Variants in ATG3 observed in about 807,000 individuals in gnomAD.
The protein encoded by ATG3 is autophagy related 3.
A neutral mutation model predicts 50.7 loss-of-function variants in ATG3; 25 were observed. That is an observed-to-expected ratio of 0.49 (90% CI 0.36 to 0.69). ATG3 has a LOEUF of 0.69. ATG3 is among the 30% of genes least tolerant of loss of function. ATG3 has a pLI of 0.00. For synonymous variants in ATG3, 119 were observed against 125.5 expected (o/e 0.95, Z 0.34); for missense variants, 281 against 376.0 (o/e 0.75, Z 2.09).
chr3:112,532,806 A>G, intron 11 of ATG3, 26 bp from the exon 12 acceptor site: 2 of 1,560,638 alleles, frequency 1.3e-6, no homozygotes, highest in South Asian at 1.2e-5. Flanking sequence ...TAAGGAAAAT[A>G]AGATTTGTAA....
At chr3:112,544,663 A>AAAAAAAAAAAAAT (rs1417041247) in intron 5 of ATG3, among the ~76,000 whole-genome samples, 1 of 150,388 alleles carries the variant, frequency 6.6e-6, no homozygotes, top group African/African-American at 2.4e-5. Context: ...TCAGGGAAAA[A>AAAAAAAAAAAAAT]AAAAAAAGGA....
intron 4 of ATG3, 75 bp downstream of exon 4, chr3:112,550,117 C>A: frequency 9.2e-7 from 1 of 1,089,294 alleles, no homozygotes; most frequent in South Asian, 1.5e-5. Flanking sequence ...AATTTTCAAG[C>A]AATAGAAAAA....
intron 2 of ATG3, among the ~76,000 whole-genome samples, chr3:112,554,960 C>A (rs1933625251): frequency 6.6e-6 from 1 of 152,200 alleles, no homozygotes; most frequent in Admixed American, 6.5e-5. Flanking sequence ...ACAATAGTCT[C>A]TTCCCCAAAT....
intron 11 of ATG3, chr3:112,533,759 G>A (rs1028764812): frequency 2.0e-6 from 2 of 985,208 alleles, no homozygotes; most frequent in East Asian, 1.1e-4. Context: ...CAAGAAAACT[G>A]AGTAGGAAAA....
intron 10 of ATG3, chr3:112,535,424 C>T (rs930912771): frequency 6.6e-6 from 1 of 152,064 alleles, no homozygotes; most frequent in African/African-American, 2.4e-5. Flanking sequence ...TTATTTTTCC[C>T]CCAACTGAGT....
At chr3:112,537,940 G>A (rs565599759) in intron 8 of ATG3, 50 bp from the exon 9 acceptor site, 2 of 1,494,646 alleles carry the variant, frequency 1.3e-6, no homozygotes, top group Middle Eastern at 1.9e-4. Context: ...CGGTATGAAT[G>A]TGACATTCTA....
intron 2 of ATG3, 144 bp from the exon 3 acceptor site, chr3:112,553,473 G>A: frequency 1.7e-6 from 1 of 605,026 alleles, no homozygotes; most frequent in East Asian, 2.7e-5. Flanking sequence ...CAGCAACAAA[G>A]CTGCTCTACC....
intron 11 of ATG3, chr3:112,533,866 T>G (rs2082573208): frequency 1.0e-6 from 1 of 998,864 alleles, no homozygotes; most frequent in South Asian, 4.6e-5. Context: ...ACATTACTTT[T>G]AATTAACGTA....
chr3:112,534,413 A>G (rs1301701038), intron 10 of ATG3, 76 bp from the exon 11 acceptor site: 2 of 1,250,734 alleles, frequency 1.6e-6, no homozygotes, highest in East Asian at 2.5e-5. Flanking sequence ...TTTCATTTGT[A>G]AAGAAATCGA....
intron 2 of ATG3, among the ~76,000 whole-genome samples, chr3:112,556,610 G>C (rs182732505): frequency 8.3e-4 from 127 of 152,368 alleles, no homozygotes; most frequent in African/African-American, 2.8e-3. Context: ...AAAAGATTGA[G>C]AAATCGGATG....
intron 6 of ATG3, among the ~76,000 whole-genome samples, chr3:112,542,379 C>A (rs879341605): frequency 1.3e-5 from 2 of 152,066 alleles, no homozygotes; most frequent in Non-Finnish European, 2.9e-5. Context: ...CACAAGATAT[C>A]AGTTCAATTT....
chr3:112,561,845 C>G lies in ATG3; in HGVS notation c.-317G>C, dbSNP rs1933903036. On this transcript the variant is annotated 5_prime_UTR_variant, in exon 1 of 12. Transcript: ENST00000283290. ...GAGGTGAGAAGCGGACGCACACGCACCCCTCGCCCTCTGCGAGCTGTCTGT... is the reference window on the plus strand; with the variant it reads ...GAGGTGAGAAGCGGACGCACACGCAGCCCTCGCCCTCTGCGAGCTGTCTGT... The G allele has an allele frequency of 2.7e-6, 1 of 366,454 alleles. No homozygotes were observed. Among genetic ancestry groups the G allele is most frequent in the African/African-American group, 2.2e-5 (1 of 45,418 alleles). 22.7% of individuals were successfully genotyped at this position (366,454 alleles called of 1,614,324 possible).
At position 112,536,589 on chromosome 3, in the gene ATG3, A is replaced by T; in HGVS notation, c.680T>A (p.Leu227Ter). The change falls in exon 10 of 12, where the codon TTA (leucine) becomes TAA (stop). Residue 227 changes from leucine (L) to a stop codon, truncating the protein, a stop_gained. Coordinates refer to ENST00000283290, the MANE Select transcript of ATG3 (RefSeq NM_022488.5). LOFTEE classifies it high-confidence loss of function. ...LFGYDEQRQPLTVEHMYEDIS... is the reference protein window; with the variant it reads ...LFGYDEQRQP ...GTCTTCATACATGTGCTCAACTGTT[A>T]AAGGCTGCCGTTGCTGAAAGCATAA... 6.2e-7 allele frequency: 1 copy of T among 1,614,066 alleles called. No homozygotes were observed. Among genetic ancestry groups the T allele is most frequent in the Non-Finnish European group, 8.5e-7 (1 of 1,179,986 alleles).
chr3:112,544,175 A>G, intron 5 of ATG3, 69 bp from the exon 6 acceptor site: 1 of 1,274,202 alleles, frequency 7.8e-7, no homozygotes, highest in African/African-American at 1.5e-5. Flanking sequence ...TTATTAAAGC[A>G]ATATAAAAAT....
At chr3:112,558,090 C>T in intron 2 of ATG3, 1 of 373,986 alleles carries the variant, frequency 2.7e-6, no homozygotes, top group East Asian at 5.3e-5. Flanking sequence ...CAATATAACA[C>T]CAATACAAGT....
chr3:112,540,304 G>T (rs978240810), intron 7 of ATG3, among the ~76,000 whole-genome samples: 7 of 152,210 alleles, frequency 4.6e-5, no homozygotes, highest in Admixed American at 1.3e-4. Context: ...AGCATCACTT[G>T]CCATTATGGT....
intron 2 of ATG3, among the ~76,000 whole-genome samples, chr3:112,557,235 T>C (rs1253153180): frequency 6.6e-6 from 1 of 152,128 alleles, no homozygotes; most frequent in Non-Finnish European, 1.5e-5. Context: ...ATATTTTTAG[T>C]AGAGACGGGG....
chr3:112,540,445 C>A (rs1410981396), intron 7 of ATG3, among the ~76,000 whole-genome samples: 3 of 152,018 alleles, frequency 2.0e-5, no homozygotes, highest in Non-Finnish European at 2.9e-5. Context: ...TTTTCATATT[C>A]CTTTCCTTTT....
chr3:112,561,423 C>A (rs1933872976), intron 1 of ATG3, 34 bp downstream of exon 1: 2 of 1,607,344 alleles, frequency 1.2e-6, no homozygotes, highest in Non-Finnish European at 8.5e-7. Flanking sequence ...CGAGCATGTG[C>A]CTGACAGCTC....
Sources: gnomAD v4.1 joint callset for allele counts (sites outside exome capture counted in the v4.1 genomes callset) on GRCh38, gnomAD v4.1.1 for gene constraint, MANE v1.5 for transcripts, NCBI Gene and HGNC (gene_info 2026-07-23, HGNC 2026-07-21) for gene names.